Variants in MDM2 observed in about 807,000 individuals in gnomAD.
The protein encoded by MDM2 is E3 ubiquitin-protein ligase Mdm2.
MDM2 carries 11 observed loss-of-function variants against 64.3 expected under a neutral mutation model. That is an observed-to-expected ratio of 0.17 (90% CI 0.11 to 0.28). MDM2 has a LOEUF of 0.28. Ranked by LOEUF, MDM2 falls within the 10% of genes least tolerant of loss-of-function variation. MDM2 has a pLI of 1.00. For missense variants in MDM2, 388 were observed against 577.1 expected (o/e 0.67, Z 3.36); for synonymous variants, 194 against 192.9 (o/e 1.01, Z -0.05).
chr12:68,835,720 A>T, intron 8 of MDM2, 109 bp from the exon 9 acceptor site: 1 of 1,070,834 alleles, frequency 9.3e-7, no homozygotes, highest in East Asian at 2.6e-5. Context: ...CCCATCCCCC[A>T]ACTGTTACAC....
chr12:68,823,989 A>G (rs561237872), intron 5 of MDM2, among the ~76,000 whole-genome samples: 1 of 152,216 alleles, frequency 6.6e-6, no homozygotes, highest in South Asian at 2.1e-4. Flanking sequence ...ACTTTTTCAC[A>G]TGGCGTTTTC....
chr12:68,810,502 C>G (rs1264162116), intron 2 of MDM2, among the ~76,000 whole-genome samples: 1 of 151,768 alleles, frequency 6.6e-6, no homozygotes, highest in African/African-American at 2.4e-5. Context: ...TGCTCTGTCT[C>G]CCAGGCTGGA....
At chr12:68,813,718 T>A (rs1022136818) in intron 3 of MDM2, 90 bp downstream of exon 3, 6 of 877,544 alleles carry the variant, frequency 6.8e-6, no homozygotes, top group Non-Finnish European at 1.1e-5. Context: ...ATTGGCCATA[T>A]AGAAGGATTT....
chr12:68,821,576 A>G (rs1881855543), intron 5 of MDM2, among the ~76,000 whole-genome samples: 1 of 152,098 alleles, frequency 6.6e-6, no homozygotes, highest in Non-Finnish European at 1.5e-5. Flanking sequence ...TACAAAAATC[A>G]GCTTGGTATA....
At chr12:68,819,584 C>T (rs1003479655) in intron 4 of MDM2, among the ~76,000 whole-genome samples, 5 of 152,146 alleles carry the variant, frequency 3.3e-5, no homozygotes, top group Non-Finnish European at 4.4e-5. Context: ...CTCTGCCTCC[C>T]GGGTTTAAGT....
chr12:68,824,789 G>A (rs1486045794), intron 7 of MDM2, 138 bp downstream of exon 7: 22 of 617,152 alleles, frequency 3.6e-5, no homozygotes, highest in African/African-American at 2.8e-4. Context: ...TTTTTCATTC[G>A]TGATTTTATT....
intron 4 of MDM2, 24 bp from the exon 5 acceptor site, chr12:68,820,301 A>ATT (rs765244028): frequency 4.0e-4 from 475 of 1,173,542 alleles, no homozygotes; most frequent in Middle Eastern, 6.4e-4. Flanking sequence ...ATCTCTTGTT[A>ATT]TTTTTTTTTT....
intron 4 of MDM2, among the ~76,000 whole-genome samples, chr12:68,817,469 G>A (rs1881478850): frequency 6.6e-6 from 1 of 152,114 alleles, no homozygotes; most frequent in Non-Finnish European, 1.5e-5. Flanking sequence ...CTAGAAATAG[G>A]CCTGGTGCGG....
At position 68,842,840 on chromosome 12, in the gene MDM2, T is replaced by C. The variant is rs1565751742; in HGVS notation, c.*2991T>C. On this transcript the variant is annotated 3_prime_UTR_variant, in exon 11 of 11. Transcript: ENST00000258149. ...TTCTTATTTTGGTTTATTAGTGTCT[T>C]AGAACAAAATGGCCTTATATAATGA... 1 of 203,166 alleles carries C rather than the reference T, an allele frequency of 4.9e-6. No individual in the cohort carries two copies. Among genetic ancestry groups the C allele is most frequent in the Non-Finnish European group, 1.0e-5 (1 of 98,924 alleles). The allele number at this position is 203,166 out of a possible 1,614,324, so 12.6% of individuals were successfully genotyped here.
chr12:68,809,354 A>G (rs549310763), intron 2 of MDM2, 62 bp downstream of exon 2: 1 of 1,406,262 alleles, frequency 7.1e-7, no homozygotes, highest in East Asian at 2.3e-5. Flanking sequence ...GATAAACTAA[A>G]TTTCGTATAC....
intron 5 of MDM2, among the ~76,000 whole-genome samples, chr12:68,822,265 T>TA (rs1323948088): frequency 6.6e-6 from 1 of 152,228 alleles, no homozygotes; most frequent in Non-Finnish European, 1.5e-5. Context: ...ATTGAATACT[T>TA]ATTCTTCCAA....
intron 8 of MDM2, among the ~76,000 whole-genome samples, 193 bp from the exon 9 acceptor site, chr12:68,835,636 C>T (rs978303606): frequency 1.1e-4 from 16 of 152,282 alleles, no homozygotes; most frequent in East Asian, 3.9e-4. Flanking sequence ...CAACCGGCTC[C>T]GGGATGGCTG....
chr12:68,821,906 G>T (rs1881888925), intron 5 of MDM2, among the ~76,000 whole-genome samples: 1 of 152,030 alleles, frequency 6.6e-6, no homozygotes, highest in African/African-American at 2.4e-5. Context: ...CACCCTGCTT[G>T]AAGTGCAGTG....
chr12:68,812,305 A>T (rs900446718), intron 2 of MDM2, among the ~76,000 whole-genome samples: 1 of 152,198 alleles, frequency 6.6e-6, no homozygotes, highest in Admixed American at 6.5e-5. Flanking sequence ...GAAATAGGCA[A>T]TTTTTAAAAA....
chr12:68,822,011 C>T (rs1232802500), intron 5 of MDM2, among the ~76,000 whole-genome samples: 1 of 152,078 alleles, frequency 6.6e-6, no homozygotes, highest in Non-Finnish European at 1.5e-5. Context: ...TGCTCCACCA[C>T]GCCTGGCTAA....
intron 8 of MDM2, among the ~76,000 whole-genome samples, chr12:68,835,125 A>G (rs532843813): frequency 2.6e-5 from 4 of 152,232 alleles, no homozygotes; most frequent in Non-Finnish European, 5.9e-5. Context: ...ATTTGGACAT[A>G]GAAAGATGAG....
intron 4 of MDM2, among the ~76,000 whole-genome samples, chr12:68,817,922 C>T (rs575832794): frequency 6.6e-5 from 10 of 151,832 alleles, no homozygotes; most frequent in Admixed American, 2.0e-4. Context: ...CTCGGCTTCC[C>T]GAGTAGCTGG....
chr12:68,831,198 C>G (rs774496699), intron 8 of MDM2, among the ~76,000 whole-genome samples: 2 of 152,166 alleles, frequency 1.3e-5, no homozygotes, highest in Non-Finnish European at 2.9e-5. Context: ...TTTTAAGGAG[C>G]AGAGCGTTTA....
Position 68,842,016 on chromosome 12 carries a change from A to G in MDM2, c.*2167A>G. On this transcript the variant is annotated 3_prime_UTR_variant, in exon 11 of 11. Coordinates refer to ENST00000258149, the MANE Select transcript of MDM2 (RefSeq NM_002392.6). Reference sequence around the variant, plus strand: ...TGCAAGGTGTTCAGATTGTATAAACATAAATGTCACAAAAACTTTAAAAGA... The same window carrying G: ...TGCAAGGTGTTCAGATTGTATAAACGTAAATGTCACAAAAACTTTAAAAGA... 7.4e-6 allele frequency: 3 copies of G among 408,162 alleles called. No individual in the cohort carries two copies. The highest frequency in any genetic ancestry group is 1.4e-5 in the Non-Finnish European group (3 of 212,882). The allele number at this position is 408,162 out of a possible 1,614,324, so 25.3% of individuals were successfully genotyped here.
Sources: gnomAD v4.1 joint callset for allele counts (sites outside exome capture counted in the v4.1 genomes callset) on GRCh38, gnomAD v4.1.1 for gene constraint, MANE v1.5 for transcripts, NCBI Gene and HGNC (gene_info 2026-07-23, HGNC 2026-07-21) for gene names.